The following CDA variants were observed in gnomAD, a reference collection of about 807,000 sequenced individuals.
The protein encoded by CDA is cytidine deaminase.
In CDA, 7 loss-of-function variants were observed where a neutral mutation model predicts 15.0. The ratio of observed to expected loss-of-function variants is 0.47; its 90% CI spans 0.26 to 0.87. The LOEUF (loss-of-function observed/expected upper bound fraction) is 0.87, where lower values mean the gene tolerates loss of function less well. Ranked by LOEUF, CDA falls within the 40% of genes least tolerant of loss-of-function variation. The probability of loss-of-function intolerance (pLI) is 0.15; values close to 1 mark genes in which losing one functional copy is unlikely to be tolerated. For missense variants in CDA, 159 were observed against 182.7 expected, an observed-to-expected ratio of 0.87 and a Z score of 0.75; for synonymous variants, 58 against 73.0, an observed-to-expected ratio of 0.79 and a Z score of 1.05.
chr1:20,615,280 C>T (rs1168914006), intron 3 of CDA, among the ~76,000 whole-genome samples: 1 of 151,790 alleles, frequency 6.6e-6, no homozygotes, highest in Admixed American at 6.6e-5. Flanking sequence ...CAAGAAGAAA[C>T]TTGAAGGACT....
intron 1 of CDA, among the ~76,000 whole-genome samples, chr1:20,600,295 G>C (rs571896769): frequency 6.6e-6 from 1 of 152,284 alleles, no homozygotes; most frequent in East Asian, 1.9e-4. Context: ...ACTTTAGTCA[G>C]GGATCGGGCA....
chr1:20,609,368 C>G (rs1387307813), intron 2 of CDA, among the ~76,000 whole-genome samples: 2 of 152,172 alleles, frequency 1.3e-5, no homozygotes, highest in East Asian at 3.9e-4. Context: ...CACCTGTAGT[C>G]CCAGCTACTC....
At chr1:20,593,636 G>A (rs76594585) in intron 1 of CDA, among the ~76,000 whole-genome samples, 6,385 of 152,246 alleles carry the variant, frequency 0.042, 182 homozygotes, top group Middle Eastern at 0.082. Flanking sequence ...GTACAGTGGC[G>A]CGAGCCTAGT....
At chr1:20,590,989 C>T (rs774629717) in intron 1 of CDA, among the ~76,000 whole-genome samples, 14 of 152,152 alleles carry the variant, frequency 9.2e-5, no homozygotes, top group Admixed American at 5.9e-4. Context: ...ACAGCCTCAT[C>T]GTGCCTCCAG....
chr1:20,591,988 A>G (rs964026013), intron 1 of CDA, among the ~76,000 whole-genome samples: 1 of 151,788 alleles, frequency 6.6e-6, no homozygotes, highest in African/African-American at 2.4e-5. Context: ...GATTACAGGC[A>G]CCCGCTACAC....
chr1:20,609,366 G>T (rs1292237011), intron 2 of CDA, among the ~76,000 whole-genome samples: 1 of 152,130 alleles, frequency 6.6e-6, no homozygotes, highest in African/African-American at 2.4e-5. Flanking sequence ...GGCACCTGTA[G>T]TCCCAGCTAC....
At chr1:20,599,549 A>G (rs559049029) in intron 1 of CDA, among the ~76,000 whole-genome samples, 31 of 151,606 alleles carry the variant, frequency 2.0e-4, no homozygotes, top group African/African-American at 7.5e-4. Flanking sequence ...CCCAGGAGGC[A>G]GAGGTTGCAG....
intron 1 of CDA, among the ~76,000 whole-genome samples, chr1:20,599,544 G>A (rs945416458): frequency 2.6e-5 from 4 of 151,228 alleles, no homozygotes; most frequent in African/African-American, 9.7e-5. Flanking sequence ...CTGAACCCAG[G>A]AGGCAGAGGT....
At chr1:20,589,799 C>A (rs1215318303) in intron 1 of CDA, among the ~76,000 whole-genome samples, 1 of 152,144 alleles carries the variant, frequency 6.6e-6, no homozygotes, top group Non-Finnish European at 1.5e-5. Context: ...CTGCTCTCTT[C>A]CTTCCACCCA....
intron 1 of CDA, among the ~76,000 whole-genome samples, chr1:20,597,385 G>T (rs138925412): frequency 6.6e-6 from 1 of 152,208 alleles, no homozygotes; most frequent in Admixed American, 6.5e-5. Flanking sequence ...AGCTTGCAGT[G>T]AGCCAGGATC....
chr1:20,614,036 C>T (rs1252604988), intron 3 of CDA, 137 bp downstream of exon 3: 1 of 728,430 alleles, frequency 1.4e-6, no homozygotes, highest in Non-Finnish European at 2.5e-6. Flanking sequence ...GGTTGGCTGA[C>T]TTCTAAGGCC....
rs576552315 is a variant in CDA, at chr1:20,591,295, C to T, written c.154+2012C>T. ...GGCGGAGCTTGCAGAGAGCCGAGAT[C>T]GTGCCACTGCACTCCAGCCTGGGCG... On this transcript the variant is annotated intron_variant, in intron 1 of 3. Coordinates refer to ENST00000375071, the MANE Select transcript of CDA (RefSeq NM_001785.3). Among the ~76,000 whole-genome samples the T allele has an allele frequency of 4.6e-5, 7 of 152,084 alleles. No homozygotes were observed. In the East Asian group the frequency reaches 1.2e-3, roughly 25 times the overall value.
rs796123181 is a variant in CDA at position 20,610,547 on chromosome 1, C to T, written c.267-3295C>T. Among the ~76,000 whole-genome samples the T allele has an allele frequency of 7.9e-5, 12 of 152,130 alleles. 1 individual carries two copies. The highest frequency in any genetic ancestry group is 2.9e-4 in the African/African-American group (12 of 41,526). ...AACTCCTGACTTTGTGATCCACCCACCTCGGCCTCCCAAAGTGCTGGGATT... is the reference window on the plus strand; with the variant it reads ...AACTCCTGACTTTGTGATCCACCCATCTCGGCCTCCCAAAGTGCTGGGATT... On this transcript the variant is annotated intron_variant, in intron 2 of 3. Transcript: ENST00000375071.
chr1:20,589,966 C>T (rs2052534042), intron 1 of CDA, among the ~76,000 whole-genome samples: 1 of 152,224 alleles, frequency 6.6e-6, no homozygotes, highest in African/African-American at 2.4e-5. Flanking sequence ...TCTGAGTCTG[C>T]TCTAATCTGT....
chr1:20,617,939 G>A (rs186315130), intron 3 of CDA, among the ~76,000 whole-genome samples: 15 of 152,084 alleles, frequency 9.9e-5, no homozygotes, highest in Admixed American at 6.6e-4. Context: ...CAGGAGATCC[G>A]CCTGCCTCGG....
intron 2 of CDA, among the ~76,000 whole-genome samples, chr1:20,610,259 A>ATTG (rs1324109187): frequency 2.7e-5 from 1 of 36,920 alleles, no homozygotes; most frequent in Non-Finnish European, 9.1e-5. Flanking sequence ...GGCACACATT[A>ATTG]TCTTTTTTTT....
intron 1 of CDA, among the ~76,000 whole-genome samples, chr1:20,604,313 T>G (rs936411648): frequency 6.6e-6 from 1 of 152,160 alleles, no homozygotes; most frequent in African/African-American, 2.4e-5. Flanking sequence ...CACTGGCAGA[T>G]TCAGTGAGGG....
chr1:20,597,879 T>A (rs912404216), intron 1 of CDA, among the ~76,000 whole-genome samples: 1 of 135,652 alleles, frequency 7.4e-6, no homozygotes, highest in Non-Finnish European at 1.6e-5. Flanking sequence ...GCTTCCTTCC[T>A]TTTTTTTTAT....
At chr1:20,589,711 C>G (rs1420743294) in intron 1 of CDA, among the ~76,000 whole-genome samples, 1 of 152,196 alleles carries the variant, frequency 6.6e-6, no homozygotes, top group African/African-American at 2.4e-5. Context: ...CTACGGAGGT[C>G]TCGAGAGGTG....
Sources: allele counts gnomAD v4.1 joint callset (sites outside exome capture counted in the v4.1 genomes callset), GRCh38; gene constraint gnomAD v4.1.1; transcripts MANE v1.5; gene names NCBI Gene and HGNC (gene_info 2026-07-23, HGNC 2026-07-21).